The following ANKUB1 variants were observed in gnomAD, a reference collection of about 807,000 sequenced individuals.
ANKUB1 encodes the protein ankyrin repeat and ubiquitin domain containing 1.
In ANKUB1, 42 loss-of-function variants were observed where a neutral mutation model predicts 49.3. The observed-to-expected ratio is 0.85, with a 90% CI of 0.67 to 1.10. The LOEUF (loss-of-function observed/expected upper bound fraction) is 1.10. ANKUB1 is among the 50% of genes least tolerant of loss of function. The pLI, the probability that ANKUB1 is intolerant of heterozygous loss-of-function variation, is 0.00. For synonymous variants in ANKUB1, 222 were observed against 231.0 expected (o/e 0.96, Z 0.35); for missense variants, 613 against 642.0 (o/e 0.95, Z 0.49).
chr3:149,766,010 T>C (rs1331700058), intron 5 of ANKUB1, among the ~76,000 whole-genome samples: 1 of 152,222 alleles, frequency 6.6e-6, no homozygotes, highest in Non-Finnish European at 1.5e-5. Context: ...AGTAGAACAA[T>C]CTAGCCTTGT....
chr3:149,764,232 G>A (rs781307128), intron 5 of ANKUB1, among the ~76,000 whole-genome samples: 21 of 152,140 alleles, frequency 1.4e-4, no homozygotes, highest in South Asian at 4.1e-4. Flanking sequence ...GTCTACTTCA[G>A]GTAGATGTAA....
rs79620845 is a variant in ANKUB1 at position 149,769,136 on chromosome 3, G to A, written c.567-1041C>T. 9.2e-5 allele frequency among the ~76,000 whole-genome samples: 14 copies of A among 152,222 alleles called. No homozygotes were observed. The East Asian group carries it at 2.3e-3, about 25-fold the overall frequency. On this transcript the variant is annotated intron_variant, in intron 4 of 5. Transcript: ENST00000446160. ...CTCTTCTAATCCATCACTTCACAGA[G>A]CCTCAGACCTCCTGGTGTGTTGGCT...
intron 5 of ANKUB1, among the ~76,000 whole-genome samples, chr3:149,765,105 A>G (rs967539545): frequency 1.3e-5 from 2 of 152,250 alleles, no homozygotes; most frequent in Non-Finnish European, 2.9e-5. Flanking sequence ...AAATTAGGAT[A>G]TGGAATACTG....
At chr3:149,769,213 A>G (rs1717215817) in intron 4 of ANKUB1, among the ~76,000 whole-genome samples, 1 of 152,194 alleles carries the variant, frequency 6.6e-6, no homozygotes, top group Non-Finnish European at 1.5e-5. Flanking sequence ...CTAAAGTACT[A>G]TTAAACCTAC....
intron 2 of ANKUB1, among the ~76,000 whole-genome samples, chr3:149,782,559 T>A (rs1717917635): frequency 6.6e-6 from 1 of 152,158 alleles, no homozygotes; most frequent in Admixed American, 6.5e-5. Flanking sequence ...ATCTGGCAAT[T>A]TTTTTGAGAT....
intron 2 of ANKUB1, chr3:149,783,317 A>G (rs1038061581): frequency 1.3e-5 from 2 of 152,212 alleles, no homozygotes; most frequent in Non-Finnish European, 2.9e-5. Context: ...GTCACAACCA[A>G]CGAAGTCAGA....
chr3:149,768,019 C>G lies in ANKUB1; in HGVS notation c.643G>C (p.Gly215Arg). ...CCGACTGCCTCGTGGGGCCGCGCAC[C>G]CTGCTTCAGGGCCCATTCAGTGAGT... ...IELTEWALKQGARPHEAVGVH... is the reference protein window; with the variant it reads ...IELTEWALKQRARPHEAVGVH... Residue 215 changes from glycine to arginine, a missense_variant, in exon 5 of 6, where the codon GGT becomes CGT. Coordinates refer to ENST00000446160, the MANE Select transcript of ANKUB1 (RefSeq NM_001144960.3). 4 of 1,489,466 alleles carry G rather than the reference C, an allele frequency of 2.7e-6. No individual in the cohort carries two copies. Among genetic ancestry groups the G allele is most frequent in the Non-Finnish European group, 3.6e-6 (4 of 1,113,702 alleles). The allele number at this position is 1,489,466 out of a possible 1,614,324, so 92.3% of individuals were successfully genotyped here.
At chr3:149,769,766 A>G (rs1273035585) in intron 4 of ANKUB1, among the ~76,000 whole-genome samples, 2 of 152,230 alleles carry the variant, frequency 1.3e-5, no homozygotes, top group African/African-American at 4.8e-5. Flanking sequence ...TCACTTTTAC[A>G]CCATTGTAAG....
intron 1 of ANKUB1, 121 bp from the exon 2 acceptor site, chr3:149,791,045 A>C (rs550061912): frequency 7.5e-5 from 75 of 1,006,608 alleles, no homozygotes; most frequent in Non-Finnish European, 9.4e-5. Flanking sequence ...GACAAAGGGA[A>C]GAAGTATTAA....
chr3:149,772,451 A>G (rs1475100576), intron 3 of ANKUB1, among the ~76,000 whole-genome samples: 1 of 152,118 alleles, frequency 6.6e-6, no homozygotes, highest in African/African-American at 2.4e-5. Context: ...GGCCTAGGTA[A>G]TCTTTCACCT....
chr3:149,787,833 A>T (rs1279376330), intron 2 of ANKUB1, among the ~76,000 whole-genome samples: 1 of 152,352 alleles, frequency 6.6e-6, no homozygotes, highest in Middle Eastern at 3.4e-3. Flanking sequence ...GTAAGCACAC[A>T]AAAATATGAG....
At chr3:149,763,817 C>A in intron 5 of ANKUB1, 1 of 433,732 alleles carries the variant, frequency 2.3e-6, no homozygotes, top group Non-Finnish European at 4.7e-6. Context: ...TACTCACCAA[C>A]CCAAACCCAC....
chr3:149,785,909 C>G (rs972309304), intron 2 of ANKUB1, among the ~76,000 whole-genome samples: 1 of 152,220 alleles, frequency 6.6e-6, no homozygotes, highest in Admixed American at 6.5e-5. Flanking sequence ...TCTCCACATC[C>G]TCTCCAGCAC....
chr3:149,768,058 A>T lies in ANKUB1; in HGVS notation c.604T>A (p.Cys202Ser). 6.9e-7 allele frequency: 1 copy of T among 1,450,324 alleles called. No individual in the cohort carries two copies. Among genetic ancestry groups the T allele is most frequent in the Non-Finnish European group, 9.1e-7 (1 of 1,096,600 alleles). 89.8% of individuals were successfully genotyped at this position (1,450,324 alleles called of 1,614,324 possible). ...CATTCAGTGAGTTCAATGTACCCAC[A>T]AAAAGCAGCAATGTACAGGGCTACC... ...KRVALYIAAFCGYIELTEWAL... is the reference protein window; with the variant it reads ...KRVALYIAAFSGYIELTEWAL... The change falls in exon 5 of 6, where the codon TGT becomes AGT. Residue 202 changes from cysteine (C) to serine (S), a missense_variant. Coordinates refer to ENST00000446160, the MANE Select transcript of ANKUB1 (RefSeq NM_001144960.3).
At chr3:149,790,532 G>A (rs977057821) in intron 2 of ANKUB1, among the ~76,000 whole-genome samples, 2 of 152,140 alleles carry the variant, frequency 1.3e-5, no homozygotes, top group Admixed American at 6.5e-5. Context: ...ACAGGACTGG[G>A]CAGGCAATAA....
intron 5 of ANKUB1, among the ~76,000 whole-genome samples, chr3:149,765,625 G>GCTATGTTTA (rs1306810213): frequency 6.6e-6 from 1 of 152,004 alleles, no homozygotes; most frequent in Non-Finnish European, 1.5e-5. Context: ...ACAGCACTGG[G>GCTATGTTTA]CTATAGTAAA....
Position 149,767,438 on chromosome 3 carries a change from A to G in ANKUB1, c.1224T>C (p.His408=). The part of the protein sequence containing the change: ...PDTRKQALKF[H]PLVNASSFSE... ...AGAATGAACTTGCATTCACCAGTGG[A>G]TGAAATTTGAGGGCTTGTTTTCTTG... Residue 408 remains histidine, a synonymous_variant, in exon 5 of 6, where the codon CAT becomes CAC. Transcript: ENST00000446160. The G allele has an allele frequency of 1.3e-6, 2 of 1,551,626 alleles. No individual in the cohort carries two copies. Among genetic ancestry groups the G allele is most frequent in the South Asian group, 1.2e-5 (1 of 84,062 alleles).
chr3:149,772,834 A>C (rs1028396915), intron 3 of ANKUB1, among the ~76,000 whole-genome samples: 3 of 152,206 alleles, frequency 2.0e-5, no homozygotes, highest in African/African-American at 7.2e-5. Context: ...CTAACCGAGC[A>C]GGTTGGCCTG....
chr3:149,775,196 T>C (rs1717537950), intron 3 of ANKUB1, among the ~76,000 whole-genome samples: 1 of 152,182 alleles, frequency 6.6e-6, no homozygotes, highest in Admixed American at 6.5e-5. Flanking sequence ...GACTCCCAAG[T>C]TTCTGGATTC....
Sources: gnomAD v4.1 joint callset for allele counts (sites outside exome capture counted in the v4.1 genomes callset) on GRCh38, gnomAD v4.1.1 for gene constraint, MANE v1.5 for transcripts, NCBI Gene and HGNC (gene_info 2026-07-23, HGNC 2026-07-21) for gene names.